The following NRG3 variants were observed in gnomAD, a reference collection of about 807,000 sequenced individuals.
NRG3 encodes pro-neuregulin-3, membrane-bound isoform.
Under a neutral mutation model 66.9 loss-of-function variants are expected in NRG3, and 31 were observed. The observed-to-expected ratio is 0.46, with a 90% CI of 0.35 to 0.63. The LOEUF is 0.63. Ranked by LOEUF, NRG3 falls within the 20% of genes least tolerant of loss-of-function variation. NRG3 has a pLI of 0.00. For synonymous variants in NRG3, 393 were observed against 359.4 expected, an observed-to-expected ratio of 1.09 and a Z score of -1.06; for missense variants, 910 against 878.9, an observed-to-expected ratio of 1.04 and a Z score of -0.45.
intron 1 of NRG3, among the ~76,000 whole-genome samples, chr10:82,120,051 G>T (rs1418650830): frequency 6.6e-6 from 1 of 152,070 alleles, no homozygotes; most frequent in East Asian, 1.9e-4. Context: ...TAATGTAAAT[G>T]AACGTATTAT....
intron 1 of NRG3, among the ~76,000 whole-genome samples, chr10:81,963,125 CT>C (rs777026850): frequency 0.018 from 1,232 of 70,072 alleles, no homozygotes; most frequent in Non-Finnish European, 0.026. Context: ...CACGAGGGCT[CT>C]TTTTTTTTTT....
chr10:82,197,763 C>T (rs2074522939), intron 1 of NRG3, among the ~76,000 whole-genome samples: 1 of 152,078 alleles, frequency 6.6e-6, no homozygotes, highest in Non-Finnish European at 1.5e-5. Flanking sequence ...TTAATTGATT[C>T]CTGATAAATC....
chr10:82,464,903 C>A (rs190764778), intron 2 of NRG3, among the ~76,000 whole-genome samples: 1 of 152,244 alleles, frequency 6.6e-6, no homozygotes, highest in Non-Finnish European at 1.5e-5. Flanking sequence ...AAGTGCATGC[C>A]CTGCTTCCCA....
intron 2 of NRG3, among the ~76,000 whole-genome samples, chr10:82,731,965 A>C (rs928126395): frequency 6.6e-6 from 1 of 152,184 alleles, no homozygotes; most frequent in African/African-American, 2.4e-5. Context: ...ACAATGTACT[A>C]TATACCTAAA....
chr10:82,206,374 T>G (rs1262199985), intron 1 of NRG3, among the ~76,000 whole-genome samples: 3 of 152,184 alleles, frequency 2.0e-5, no homozygotes, highest in Non-Finnish European at 4.4e-5. Flanking sequence ...TTTCCCCTGC[T>G]GCCCCTCTGC....
chr10:82,117,497 T>A (rs923948379), intron 1 of NRG3, among the ~76,000 whole-genome samples: 1 of 152,152 alleles, frequency 6.6e-6, no homozygotes, highest in African/African-American at 2.4e-5. Flanking sequence ...ACTTGATATC[T>A]TGAATGATGA....
chr10:82,701,718 T>G (rs1423495159), intron 2 of NRG3, among the ~76,000 whole-genome samples: 1 of 152,208 alleles, frequency 6.6e-6, no homozygotes, highest in Non-Finnish European at 1.5e-5. Context: ...GTTGAGCACT[T>G]GATGCTTTTC....
At chr10:82,609,298 A>G (rs2133476278) in intron 2 of NRG3, among the ~76,000 whole-genome samples, 1 of 152,322 alleles carries the variant, frequency 6.6e-6, no homozygotes, top group Middle Eastern at 3.4e-3. Flanking sequence ...ATAATTGAGT[A>G]AAGAGCCATT....
intron 1 of NRG3, among the ~76,000 whole-genome samples, chr10:82,236,710 C>CTTTTTTTTTTT (rs370359467): frequency 1.1e-5 from 1 of 93,508 alleles, no homozygotes; most frequent in African/African-American, 4.3e-5. Flanking sequence ...AAAACTAGAA[C>CTTTTTTTTTTT]TTTTTTTTTT....
chr10:82,589,982 T>G (rs541396341), intron 2 of NRG3, among the ~76,000 whole-genome samples: 95 of 152,258 alleles, frequency 6.2e-4, no homozygotes, highest in Non-Finnish European at 1.2e-3. Context: ...CACTGAAAAA[T>G]GGTTGTTTTC....
At chr10:82,324,142 G>A (rs1324226327) in intron 1 of NRG3, among the ~76,000 whole-genome samples, 4 of 152,206 alleles carry the variant, frequency 2.6e-5, no homozygotes, top group African/African-American at 9.7e-5. Flanking sequence ...TGGGATTACA[G>A]GCGTGAGCCA....
intron 1 of NRG3, among the ~76,000 whole-genome samples, chr10:82,142,670 G>C (rs75375288): frequency 2.0e-5 from 3 of 151,500 alleles, no homozygotes; most frequent in African/African-American, 7.3e-5. Context: ...TTATGACAAC[G>C]TAATGTATCT....
intron 2 of NRG3, among the ~76,000 whole-genome samples, chr10:82,680,127 C>A (rs763501447): frequency 2.0e-5 from 3 of 152,130 alleles, no homozygotes; most frequent in Non-Finnish European, 4.4e-5. Flanking sequence ...CTTATATTAA[C>A]ATCATATAAC....
chr10:82,676,288 TA>T (rs947503469), intron 2 of NRG3, among the ~76,000 whole-genome samples: 13 of 151,768 alleles, frequency 8.6e-5, no homozygotes, highest in South Asian at 6.3e-4. Flanking sequence ...TTATGTTGAT[TA>T]AAAAAAAATT....
intron 3 of NRG3, among the ~76,000 whole-genome samples, chr10:82,766,993 G>T (rs1198890122): frequency 7.0e-6 from 1 of 143,740 alleles, no homozygotes; most frequent in Non-Finnish European, 1.5e-5. Context: ...ATATATTGTG[G>T]ATATATATAT....
chr10:82,121,957 T>G (rs1739768), intron 1 of NRG3, among the ~76,000 whole-genome samples: 1 of 152,044 alleles, frequency 6.6e-6, no homozygotes, highest in African/African-American at 2.4e-5. Flanking sequence ...TTCATGTGAC[T>G]GTTTTATAAC....
At chr10:82,846,891 T>C (rs2063333696) in intron 3 of NRG3, among the ~76,000 whole-genome samples, 1 of 152,212 alleles carries the variant, frequency 6.6e-6, no homozygotes, top group Non-Finnish European at 1.5e-5. Context: ...GCTTGTGCTT[T>C]TATCAATTAA....
At chr10:82,158,620 A>C (rs956777967) in intron 1 of NRG3, among the ~76,000 whole-genome samples, 2 of 151,926 alleles carry the variant, frequency 1.3e-5, no homozygotes, top group African/African-American at 4.8e-5. Flanking sequence ...AGCTGATGCC[A>C]GTTGTGTTGA....
intron 1 of NRG3, among the ~76,000 whole-genome samples, chr10:82,109,309 C>T (rs946230384): frequency 2.0e-4 from 30 of 152,058 alleles, no homozygotes; most frequent in South Asian, 4.1e-4. Context: ...GAAAGCCAAA[C>T]GGGACAATCA....
Sources: allele counts gnomAD v4.1 joint callset (sites outside exome capture counted in the v4.1 genomes callset), GRCh38; gene constraint gnomAD v4.1.1; transcripts MANE v1.5; gene names NCBI Gene and HGNC (gene_info 2026-07-23, HGNC 2026-07-21).